DLGAP1: variants seen among roughly 807,000 people sequenced by gnomAD.
DLGAP1 encodes the protein DLG associated protein 1.
DLGAP1 carries 11 observed loss-of-function variants against 90.8 expected under a neutral mutation model. The observed-to-expected ratio is 0.12, with a 90% CI of 0.08 to 0.20. The LOEUF (loss-of-function observed/expected upper bound fraction) is 0.20. Among genes scored for constraint, DLGAP1 ranks in the 10% least tolerant of loss-of-function variants. DLGAP1 has a pLI of 1.00. For missense variants in DLGAP1, 1,050 were observed against 1,333.8 expected (o/e 0.79, Z 3.31); for synonymous variants, 558 against 540.7 (o/e 1.03, Z -0.44).
At chr18:4,088,997 A>G (rs191239102) in intron 2 of DLGAP1, among the ~76,000 whole-genome samples, 1 of 152,336 alleles carries the variant, frequency 6.6e-6, no homozygotes, top group East Asian at 1.9e-4. Context: ...AAATAGGAAG[A>G]GAAGAAGTCA....
intron 2 of DLGAP1, among the ~76,000 whole-genome samples, chr18:4,115,338 T>C (rs1484055622): frequency 2.0e-5 from 1 of 51,102 alleles, no homozygotes; most frequent in Non-Finnish European, 4.5e-5. Flanking sequence ...AATCTTATGT[T>C]TTTTTTTTTT....
intron 3 of DLGAP1, among the ~76,000 whole-genome samples, chr18:3,950,247 T>C (rs2072957606): frequency 6.6e-6 from 1 of 152,206 alleles, no homozygotes; most frequent in Non-Finnish European, 1.5e-5. Flanking sequence ...CAACCATCTT[T>C]GCTGGTTTCA....
chr18:3,628,436 C>T (rs2058395371), intron 7 of DLGAP1, among the ~76,000 whole-genome samples: 1 of 152,140 alleles, frequency 6.6e-6, no homozygotes. Flanking sequence ...GATCCACCCA[C>T]CTCAGCCTCC....
intron 7 of DLGAP1, among the ~76,000 whole-genome samples, chr18:3,629,482 T>C (rs189472672): frequency 0.037 from 5,564 of 151,978 alleles, 351 homozygotes; most frequent in African/African-American, 0.13. Context: ...CCATCCTGGC[T>C]AACACGCTGA....
rs192466755 is a variant in DLGAP1 at position 3,909,477 on chromosome 18, C to G, written c.-72-29337G>C. Among the ~76,000 whole-genome samples, 62 of 152,304 alleles carry G rather than the reference C, an allele frequency of 4.1e-4. 1 individual carries two copies. Among genetic ancestry groups the G allele is most frequent in the Admixed American group, 1.5e-3 (23 of 15,296 alleles). On this transcript the variant is annotated intron_variant, in intron 3 of 12. Transcript: ENST00000315677. ...TCCAAAAGGGACCGACTGTCTAGTA[C>G]TAACACCCAAGAACACTGGATACTA...
chr18:4,061,499 C>T (rs2075298363), intron 2 of DLGAP1, among the ~76,000 whole-genome samples: 1 of 152,090 alleles, frequency 6.6e-6, no homozygotes, highest in African/African-American at 2.4e-5. Context: ...CTGTTCTGCT[C>T]TTTAACAGAA....
At chr18:3,962,616 G>A (rs943217199) in intron 3 of DLGAP1, among the ~76,000 whole-genome samples, 6 of 152,052 alleles carry the variant, frequency 3.9e-5, no homozygotes, top group East Asian at 1.9e-4. Flanking sequence ...TTTGATAGAC[G>A]TTTGAGGTTT....
intron 3 of DLGAP1, among the ~76,000 whole-genome samples, chr18:3,982,569 G>A (rs1038836334): frequency 5.3e-5 from 8 of 152,162 alleles, no homozygotes; most frequent in African/African-American, 1.7e-4. Flanking sequence ...TCTCAGAGAC[G>A]TGGTGAGGTT....
intron 7 of DLGAP1, among the ~76,000 whole-genome samples, chr18:3,682,159 T>G (rs147902754): frequency 1.3e-5 from 2 of 149,990 alleles, no homozygotes; most frequent in East Asian, 1.9e-4. Context: ...ACGAACGAAC[T>G]AACTAATTAA....
intron 7 of DLGAP1, among the ~76,000 whole-genome samples, chr18:3,662,141 A>C (rs896869073): frequency 6.6e-6 from 1 of 152,180 alleles, no homozygotes; most frequent in Non-Finnish European, 1.5e-5. Context: ...TAAAAGGTGC[A>C]GGTAGAGAAA....
rs1599082972 is a variant in DLGAP1 at position 3,874,456 on chromosome 18, T to C, written c.957+4656A>G. ...AATCTTGCTCTTCTGAATGGCTTTA[T>C]ATGTCAGTCACTCAACATACAACAT... On this transcript the variant is annotated intron_variant, in intron 4 of 12. Transcript: ENST00000315677. 43 of 1,436,152 alleles carry C rather than the reference T, an allele frequency of 3.0e-5. No individual in the cohort carries two copies. The East Asian group carries it at 9.2e-4, about 31-fold the overall frequency. 89.0% of individuals were successfully genotyped at this position (1,436,152 alleles called of 1,614,324 possible).
chr18:3,614,180 A>T (rs1312678976), intron 7 of DLGAP1, among the ~76,000 whole-genome samples: 1 of 119,132 alleles, frequency 8.4e-6, no homozygotes, highest in Non-Finnish European at 1.7e-5. Context: ...TCGGCCTCCC[A>T]AAGTGCTAGG....
chr18:4,161,966 T>A (rs2076852948), intron 1 of DLGAP1, among the ~76,000 whole-genome samples: 2 of 152,156 alleles, frequency 1.3e-5, no homozygotes, highest in Admixed American at 1.3e-4. Flanking sequence ...AAATCTGAGG[T>A]CTTCATCCCA....
chr18:3,717,486 C>T (rs906476194), intron 7 of DLGAP1, among the ~76,000 whole-genome samples: 2 of 152,200 alleles, frequency 1.3e-5, no homozygotes, highest in South Asian at 4.1e-4. Flanking sequence ...TTACCAGTCT[C>T]TTGGATTCTT....
At chr18:3,675,428 A>C (rs1454654348) in intron 7 of DLGAP1, among the ~76,000 whole-genome samples, 1 of 152,216 alleles carries the variant, frequency 6.6e-6, no homozygotes, top group African/African-American at 2.4e-5. Context: ...ACACGATTAA[A>C]TATGAGAAAA....
intron 1 of DLGAP1, among the ~76,000 whole-genome samples, chr18:4,422,194 T>C (rs1449397719): frequency 6.6e-6 from 1 of 151,496 alleles, no homozygotes; most frequent in African/African-American, 2.4e-5. Flanking sequence ...AATATATATA[T>C]AAACAAGTGT....
intron 1 of DLGAP1, among the ~76,000 whole-genome samples, chr18:4,152,892 T>C (rs1177266227): frequency 2.0e-5 from 3 of 152,200 alleles, no homozygotes; most frequent in African/African-American, 7.2e-5. Flanking sequence ...TCCCCACATA[T>C]ATGAGGACTA....
At chr18:3,663,023 G>A (rs762158811) in intron 7 of DLGAP1, among the ~76,000 whole-genome samples, 5 of 152,276 alleles carry the variant, frequency 3.3e-5, no homozygotes, top group South Asian at 2.1e-4. Flanking sequence ...TGTAATCCCA[G>A]CACTTTGGGA....
At chr18:3,873,381 A>G (rs781425675) in intron 4 of DLGAP1, among the ~76,000 whole-genome samples, 1 of 152,168 alleles carries the variant, frequency 6.6e-6, no homozygotes, top group African/African-American at 2.4e-5. Context: ...CCATTCAGGA[A>G]CCTTGACATT....
Sources: allele counts gnomAD v4.1 joint callset (sites outside exome capture counted in the v4.1 genomes callset), GRCh38; gene constraint gnomAD v4.1.1; transcripts MANE v1.5; gene names NCBI Gene and HGNC (gene_info 2026-07-23, HGNC 2026-07-21).